The following MTUS2 variants were observed in gnomAD, a reference collection of about 807,000 sequenced individuals.
The protein encoded by MTUS2 is microtubule associated scaffold protein 2, also known as microtubule-associated tumor suppressor candidate 2.
MTUS2 carries 40 observed loss-of-function variants against 114.1 expected under a neutral mutation model. The ratio of observed to expected loss-of-function variants is 0.35; its 90% CI spans 0.27 to 0.46. The LOEUF is 0.46. Ranked by LOEUF, MTUS2 falls within the 20% of genes least tolerant of loss-of-function variation. MTUS2 has a pLI of 1.00. For missense variants in MTUS2, 1,679 were observed against 1,705.4 expected (o/e 0.98, Z 0.27); for synonymous variants, 688 against 672.0 (o/e 1.02, Z -0.37).
At chr13:29,153,580 C>T (rs912223532) in intron 5 of MTUS2, among the ~76,000 whole-genome samples, 1 of 152,120 alleles carries the variant, frequency 6.6e-6, no homozygotes, top group Non-Finnish European at 1.5e-5. Flanking sequence ...CTGGCACTGC[C>T]TCCAGCTGTA....
At chr13:29,474,630 G>T (rs1192765032) in intron 9 of MTUS2, among the ~76,000 whole-genome samples, 2 of 152,014 alleles carry the variant, frequency 1.3e-5, no homozygotes, top group African/African-American at 4.8e-5. Flanking sequence ...TATTACGGAG[G>T]TCATTCCATG....
At chr13:29,402,756 T>G (rs1177292388) in intron 8 of MTUS2, among the ~76,000 whole-genome samples, 1 of 152,190 alleles carries the variant, frequency 6.6e-6, no homozygotes, top group Non-Finnish European at 1.5e-5. Context: ...ATCTTTTTAT[T>G]TATGTATGTA....
intron 2 of MTUS2, among the ~76,000 whole-genome samples, chr13:28,915,325 G>T (rs1386130515): frequency 6.6e-6 from 1 of 151,848 alleles, no homozygotes; most frequent in Non-Finnish European, 1.5e-5. Context: ...AGTGGAATTG[G>T]TGGATTGTAT....
chr13:29,266,870 G>T (rs1033720929), intron 5 of MTUS2, among the ~76,000 whole-genome samples: 2 of 152,212 alleles, frequency 1.3e-5, no homozygotes, highest in African/African-American at 4.8e-5. Context: ...GCCACGGGAT[G>T]GAATCCTACC....
chr13:28,947,692 C>G (rs1004924759), intron 2 of MTUS2, among the ~76,000 whole-genome samples: 1 of 152,174 alleles, frequency 6.6e-6, no homozygotes, highest in Non-Finnish European at 1.5e-5. Context: ...TCTCCAACAC[C>G]TTTCAGGTCT....
intron 2 of MTUS2, among the ~76,000 whole-genome samples, chr13:28,847,313 G>C (rs769539069): frequency 2.0e-5 from 3 of 152,040 alleles, no homozygotes; most frequent in Non-Finnish European, 2.9e-5. Flanking sequence ...GAGAAGGTGA[G>C]GATGAGGGTG....
In MTUS2 at chr13:29,025,887, A is replaced by C; in HGVS notation, c.1189A>C (p.Lys397Gln). The C allele has an allele frequency of 1.9e-6, 3 of 1,613,534 alleles. No homozygotes were observed. Among genetic ancestry groups the C allele is most frequent in the Non-Finnish European group, 2.5e-6 (3 of 1,179,618 alleles). ...GCAGGATTCTCTCCACACCACCCCC[A>C]AACAGGGCTCTGCTTCCTTAGGAGG... ...GEQDSLHTTP[K>Q]QGSASLGGAD... The change falls in exon 3 of 16, where the codon AAA becomes CAA. Residue 397 changes from lysine to glutamine, a missense_variant. Lys to Gln is a moderately conservative substitution (Grantham distance 53, BLOSUM62 1). Transcript: ENST00000612955.
At chr13:29,494,765 A>G (rs1406578631) in intron 12 of MTUS2, among the ~76,000 whole-genome samples, 1 of 152,166 alleles carries the variant, frequency 6.6e-6, no homozygotes, top group Non-Finnish European at 1.5e-5. Flanking sequence ...TAGGCTGGGC[A>G]CGGTGGCTTA....
chr13:28,924,960 T>G (rs1294447435), intron 2 of MTUS2, among the ~76,000 whole-genome samples: 1 of 151,868 alleles, frequency 6.6e-6, no homozygotes, highest in East Asian at 1.9e-4. Flanking sequence ...CAAATTCGTC[T>G]TGTCAGGCAA....
chr13:28,949,745 A>G (rs529341020), intron 2 of MTUS2, among the ~76,000 whole-genome samples: 14 of 152,310 alleles, frequency 9.2e-5, no homozygotes, highest in African/African-American at 3.4e-4. Context: ...CACTTAGCAT[A>G]ATGCCCCCAA....
At chr13:29,181,788 CTGTGTGTGTGTGTGTG>C (rs34853883) in intron 5 of MTUS2, among the ~76,000 whole-genome samples, 2 of 146,720 alleles carry the variant, frequency 1.4e-5, no homozygotes, top group African/African-American at 5.0e-5. Flanking sequence ...TTATATACTA[CTGTGTGTGTGTGTGTG>C]TGTGTGTGTG....
At chr13:29,121,280 A>G (rs1030774190) in intron 5 of MTUS2, among the ~76,000 whole-genome samples, 3 of 152,186 alleles carry the variant, frequency 2.0e-5, no homozygotes, top group Non-Finnish European at 4.4e-5. Context: ...TTAAGAGCCC[A>G]TTGCTTTATT....
chr13:29,158,358 C>CCTT, intron 5 of MTUS2, among the ~76,000 whole-genome samples: 1 of 32,056 alleles, frequency 3.1e-5, no homozygotes, highest in African/African-American at 2.1e-4. Flanking sequence ...GTCCACCCCG[C>CCTT]TTTTTTTTTT....
At chr13:28,904,185 G>A (rs1270084728) in intron 2 of MTUS2, among the ~76,000 whole-genome samples, 6 of 151,992 alleles carry the variant, frequency 3.9e-5, no homozygotes, top group East Asian at 3.9e-4. Context: ...AGTAGGTTGC[G>A]AAAATTTTCT....
chr13:29,301,627 C>A (rs1054578069), intron 6 of MTUS2, among the ~76,000 whole-genome samples: 12 of 152,108 alleles, frequency 7.9e-5, no homozygotes, highest in African/African-American at 2.9e-4. Flanking sequence ...TGCTGTGTGA[C>A]CCTGATTCAA....
chr13:29,487,865 T>C (rs964463263), intron 10 of MTUS2, 35 bp from the exon 11 acceptor site: 2 of 1,518,174 alleles, frequency 1.3e-6, no homozygotes, highest in Non-Finnish European at 1.8e-6. Flanking sequence ...TCCAAGCAGC[T>C]CTCTGTCTAA....
At chr13:29,461,201 G>T (rs1275314545) in intron 9 of MTUS2, among the ~76,000 whole-genome samples, 2 of 152,060 alleles carry the variant, frequency 1.3e-5, no homozygotes, top group Non-Finnish European at 2.9e-5. Context: ...AGAGAGAGAA[G>T]GGAAGGGGGG....
intron 7 of MTUS2, among the ~76,000 whole-genome samples, chr13:29,330,806 G>T (rs911061715): frequency 6.6e-6 from 1 of 152,064 alleles, no homozygotes; most frequent in African/African-American, 2.4e-5. Flanking sequence ...ATCTGTTTTG[G>T]TACCAATACC....
chr13:29,196,615 C>G (rs567839999), intron 5 of MTUS2, among the ~76,000 whole-genome samples: 1 of 152,134 alleles, frequency 6.6e-6, no homozygotes, highest in Non-Finnish European at 1.5e-5. Context: ...AAACACTAAC[C>G]TTTCATTGCC....
Sources: allele counts gnomAD v4.1 joint callset (sites outside exome capture counted in the v4.1 genomes callset), GRCh38; gene constraint gnomAD v4.1.1; transcripts MANE v1.5; gene names NCBI Gene and HGNC (gene_info 2026-07-23, HGNC 2026-07-21).